TLK2: variants seen among roughly 807,000 people sequenced by gnomAD.
TLK2 encodes tousled like kinase 2, also known as serine/threonine-protein kinase tousled-like 2.
Under a neutral mutation model 117.3 loss-of-function variants are expected in TLK2, and 6 were observed. The ratio of observed to expected loss-of-function variants is 0.05; its 90% CI spans 0.03 to 0.10. TLK2 has a LOEUF of 0.10. Among genes scored for constraint, TLK2 ranks in the 10% least tolerant of loss-of-function variants. TLK2 has a pLI of 1.00. For missense variants in TLK2, 299 were observed against 901.2 expected (o/e 0.33, Z 8.56); for synonymous variants, 257 against 316.7 (o/e 0.81, Z 2.00).
At chr17:62,549,419 A>AAAAAAAG (rs2078236852) in intron 7 of TLK2, among the ~76,000 whole-genome samples, 1 of 7,746 alleles carries the variant, frequency 1.3e-4, no homozygotes, top group African/African-American at 2.1e-4. Flanking sequence ...AAAAAAAAAA[A>AAAAAAAG]AAAAAAAAAA....
intron 9 of TLK2, among the ~76,000 whole-genome samples, chr17:62,559,656 G>A (rs2079115921): frequency 6.6e-6 from 1 of 152,026 alleles, no homozygotes; most frequent in South Asian, 2.1e-4. Flanking sequence ...AGGATTGCAC[G>A]CATGAGCCAC....
At chr17:62,514,922 G>A (rs978849058) in intron 2 of TLK2, among the ~76,000 whole-genome samples, 11 of 152,282 alleles carry the variant, frequency 7.2e-5, no homozygotes, top group Admixed American at 2.0e-4. Flanking sequence ...ATTTTTAAGT[G>A]TACAGTTCAG....
At chr17:62,586,843 G>T (rs556462134) in intron 16 of TLK2, among the ~76,000 whole-genome samples, 1 of 148,228 alleles carries the variant, frequency 6.7e-6, no homozygotes, top group Non-Finnish European at 1.5e-5. Flanking sequence ...AAAAAAAATT[G>T]TTGCTTGTCT....
chr17:62,602,013 G>A, intron 18 of TLK2, 29 bp from the exon 19 acceptor site: 2 of 1,600,202 alleles, frequency 1.2e-6, no homozygotes, highest in Non-Finnish European at 1.7e-6. Flanking sequence ...GTAAGTCTCT[G>A]CTTATTCATG....
At chr17:62,591,154 C>T (rs2082051724) in intron 16 of TLK2, among the ~76,000 whole-genome samples, 1 of 152,000 alleles carries the variant, frequency 6.6e-6, no homozygotes, top group Non-Finnish European at 1.5e-5. Flanking sequence ...GAGGCTGAGG[C>T]AGAAGAATCC....
chr17:62,591,114 T>G (rs912828926), intron 16 of TLK2, among the ~76,000 whole-genome samples: 2 of 152,088 alleles, frequency 1.3e-5, no homozygotes. Flanking sequence ...CTGGGCATGG[T>G]GGCACGCACC....
At chr17:62,527,829 G>A (rs967318459) in intron 6 of TLK2, among the ~76,000 whole-genome samples, 4 of 151,452 alleles carry the variant, frequency 2.6e-5, no homozygotes, top group South Asian at 2.1e-4. Flanking sequence ...CGCAACCTCC[G>A]CCTTCCAGTT....
intron 19 of TLK2, among the ~76,000 whole-genome samples, chr17:62,604,085 G>A (rs187132347): frequency 6.6e-6 from 1 of 151,574 alleles, no homozygotes; most frequent in African/African-American, 2.4e-5. Flanking sequence ...ACTCACTGCA[G>A]CCTCCGCCTC....
chr17:62,562,882 G>T (rs1353497940), intron 10 of TLK2, among the ~76,000 whole-genome samples: 1 of 152,170 alleles, frequency 6.6e-6, no homozygotes, highest in East Asian at 1.9e-4. Flanking sequence ...CACTTTGGGA[G>T]GCTCAGGGAG....
chr17:62,471,888 CTTTTTTT>C (rs869092720), intron 1 of TLK2, among the ~76,000 whole-genome samples: 32 of 37,774 alleles, frequency 8.5e-4, no homozygotes, highest in Non-Finnish European at 1.1e-3. Context: ...GTAGTATAGT[CTTTTTTT>C]TTTTTTTTTT....
In TLK2 at chr17:62,548,542, A is replaced by G. The variant is rs563698835; in HGVS notation, c.532-3760A>G. 5.3e-5 allele frequency among the ~76,000 whole-genome samples: 8 copies of G among 151,840 alleles called. No homozygotes were observed. The East Asian group carries it at 1.4e-3, about 26-fold the overall frequency. Reference sequence around the variant, plus strand: ...ATGATCTGCCTGTCTTGGCCTCCCAAAGTGACAGGATTACAGGCATGAGCC... The same window carrying G: ...ATGATCTGCCTGTCTTGGCCTCCCAGAGTGACAGGATTACAGGCATGAGCC... On this transcript the variant is annotated intron_variant, in intron 7 of 21. Transcript: ENST00000346027.
chr17:62,538,272 T>C (rs2077258159), intron 7 of TLK2, among the ~76,000 whole-genome samples: 1 of 151,964 alleles, frequency 6.6e-6, no homozygotes, highest in South Asian at 2.1e-4. Flanking sequence ...CCTGACCTCG[T>C]GATCCGCCCG....
At chr17:62,604,338 C>T (rs769085476) in intron 19 of TLK2, among the ~76,000 whole-genome samples, 9 of 152,010 alleles carry the variant, frequency 5.9e-5, no homozygotes, top group Non-Finnish European at 8.8e-5. Flanking sequence ...GACCCATAGA[C>T]TATGCCTTGA....
intron 2 of TLK2, among the ~76,000 whole-genome samples, chr17:62,495,135 C>T (rs12950033): frequency 1.3e-5 from 2 of 151,888 alleles, no homozygotes; most frequent in African/African-American, 4.8e-5. Flanking sequence ...CCACTGTGCT[C>T]CAGCCTGGGT....
At chr17:62,485,689 T>C (rs1454831478) in intron 2 of TLK2, among the ~76,000 whole-genome samples, 1 of 150,034 alleles carries the variant, frequency 6.7e-6, no homozygotes, top group Admixed American at 6.7e-5. Context: ...AAAGTAGTAA[T>C]GTGCACCCAA....
intron 2 of TLK2, among the ~76,000 whole-genome samples, chr17:62,500,741 G>T (rs2074116836): frequency 6.6e-6 from 1 of 152,108 alleles, no homozygotes; most frequent in Non-Finnish European, 1.5e-5. Context: ...AATTTAAAAG[G>T]ATTGAAATGT....
At chr17:62,591,424 G>C (rs9895325) in intron 16 of TLK2, among the ~76,000 whole-genome samples, 6 of 151,680 alleles carry the variant, frequency 4.0e-5, no homozygotes, top group Non-Finnish European at 8.8e-5. Context: ...AGCTACATTT[G>C]CTGAGTGTCT....
chr17:62,515,986 G>A (rs1214920509), intron 2 of TLK2, among the ~76,000 whole-genome samples: 5 of 151,868 alleles, frequency 3.3e-5, no homozygotes, highest in African/African-American at 4.8e-5. Context: ...GTGCAGTGGC[G>A]CGATTTCAGC....
chr17:62,510,409 C>T (rs1598298402), intron 2 of TLK2, among the ~76,000 whole-genome samples: 1 of 152,182 alleles, frequency 6.6e-6, no homozygotes, highest in African/African-American at 2.4e-5. Flanking sequence ...GACTGTGTGA[C>T]CTTGAATGAG....
Sources: gnomAD v4.1 joint callset for allele counts (sites outside exome capture counted in the v4.1 genomes callset) on GRCh38, gnomAD v4.1.1 for gene constraint, MANE v1.5 for transcripts, NCBI Gene and HGNC (gene_info 2026-07-23, HGNC 2026-07-21) for gene names.